The following EPB41L3 variants were observed in gnomAD, a reference collection of about 807,000 sequenced individuals.
The protein encoded by EPB41L3 is band 4.1-like protein 3.
A neutral mutation model predicts 127.1 loss-of-function variants in EPB41L3; 57 were observed. That is an observed-to-expected ratio of 0.45 (90% confidence interval 0.36 to 0.56). The LOEUF (loss-of-function observed/expected upper bound fraction) is 0.56, where lower values mean the gene tolerates loss of function less well. Ranked by LOEUF, EPB41L3 falls within the 20% of genes least tolerant of loss-of-function variation. The pLI, the probability that EPB41L3 is intolerant of heterozygous loss-of-function variation, is 0.00. For missense variants in EPB41L3, 1,273 were observed against 1,372.2 expected (o/e 0.93, Z 1.14); for synonymous variants, 572 against 549.5 (o/e 1.04, Z -0.57).
intron 10 of EPB41L3, 86 bp from the exon 11 acceptor site, chr18:5,423,639 G>T: frequency 8.1e-7 from 1 of 1,232,574 alleles, no homozygotes; most frequent in Non-Finnish European, 1.1e-6. Flanking sequence ...GAGAGGTCAT[G>T]TGTTTTGCAT....
chr18:5,545,188 C>T (rs1398953919), upstream of EPB41L3, among the ~76,000 whole-genome samples: 1 of 152,062 alleles, frequency 6.6e-6, no homozygotes, highest in Admixed American at 6.5e-5. Context: ...ACATCAGATC[C>T]CTTTCATGTT....
At chr18:5,539,749 TCA>T (rs2093670534) in intron 1 of EPB41L3, 1 of 152,232 alleles carries the variant, frequency 6.6e-6, no homozygotes, top group Non-Finnish European at 1.5e-5. Flanking sequence ...CTTCCGAATT[TCA>T]GTCTTATCAT....
At chr18:5,535,407 T>A (rs923357800) in intron 1 of EPB41L3, among the ~76,000 whole-genome samples, 1 of 152,178 alleles carries the variant, frequency 6.6e-6, no homozygotes, top group Non-Finnish European at 1.5e-5. Flanking sequence ...ACCTAGTCAA[T>A]CTCTATTTTC....
intron 16 of EPB41L3, among the ~76,000 whole-genome samples, chr18:5,402,765 T>C (rs1479853170): frequency 6.6e-6 from 1 of 152,220 alleles, no homozygotes; most frequent in African/African-American, 2.4e-5. Context: ...ACATTATAAG[T>C]TATTAATCTT....
chr18:5,630,243 G>A, upstream of EPB41L3: 1 of 396,122 alleles, frequency 2.5e-6, no homozygotes. Flanking sequence ...GGTCGGGCCA[G>A]CCTCGCCCCT....
At chr18:5,402,204 C>A (rs555401980) in intron 16 of EPB41L3, among the ~76,000 whole-genome samples, 1 of 150,108 alleles carries the variant, frequency 6.7e-6, no homozygotes, top group South Asian at 2.1e-4. Flanking sequence ...AATCTCTATC[C>A]CACTGCATTT....
At chr18:5,561,188 A>G (rs907658898) in intron 3 of EPB41L3, among the ~76,000 whole-genome samples, 9 of 151,912 alleles carry the variant, frequency 5.9e-5, no homozygotes, top group African/African-American at 1.2e-4. Flanking sequence ...CGTATTAGCC[A>G]GGATGGTCAA....
intron 1 of EPB41L3, among the ~76,000 whole-genome samples, chr18:5,622,962 T>TTTTA (rs2094880936): frequency 6.7e-6 from 1 of 148,316 alleles, no homozygotes; most frequent in South Asian, 2.2e-4. Flanking sequence ...TTTTTTTTTT[T>TTTTA]TTTTTTTTTT....
chr18:5,397,323 TCCA>T lies in EPB41L3; in HGVS notation c.2573_2575del (p.Val858del). 2 of 1,613,986 alleles carry T rather than the reference TCCA, an allele frequency of 1.2e-6. No homozygotes were observed. On this transcript the variant is annotated inframe_deletion, in exon 18 of 23. Transcript: ENST00000341928. This position sits in a 1 kb window ranked among gnomAD's most constrained non-coding sequence, Gnocchi z 4.1. Reference sequence around the variant, plus strand: ...ACTCGCGTGCACCACACGCCGCTCCTCCACCAACACGGTCTCCTGCACCACCTT... The same window carrying T: ...ACTCGCGTGCACCACACGCCGCTCCTCCAACACGGTCTCCTGCACCACCTT...
chr18:5,609,204 C>G (rs2094697631), intron 3 of EPB41L3, among the ~76,000 whole-genome samples: 1 of 152,096 alleles, frequency 6.6e-6, no homozygotes, highest in Admixed American at 6.6e-5. Flanking sequence ...AATAATTTTC[C>G]TATGGAGGTA....
chr18:5,610,376 G>T, intron 3 of EPB41L3: 2 of 850,246 alleles, frequency 2.4e-6, no homozygotes, highest in Non-Finnish European at 2.8e-6. Flanking sequence ...TAAGGAGAAA[G>T]TTTCTGTAGA....
chr18:5,542,917 C>A (rs1034653640), intron 1 of EPB41L3, among the ~76,000 whole-genome samples: 4 of 152,158 alleles, frequency 2.6e-5, no homozygotes, highest in Non-Finnish European at 5.9e-5. Context: ...CAAGCCCCTG[C>A]GGCAGCAGCC....
intron 16 of EPB41L3, among the ~76,000 whole-genome samples, chr18:5,402,243 GTACCA>G (rs2074615341): frequency 6.7e-6 from 1 of 149,466 alleles, no homozygotes; most frequent in Non-Finnish European, 1.5e-5. Context: ...AAGATAAAAT[GTACCA>G]TGTGGAATCA....
intron 1 of EPB41L3, among the ~76,000 whole-genome samples, chr18:5,620,065 C>T (rs187165249): frequency 6.6e-6 from 1 of 151,766 alleles, no homozygotes; most frequent in East Asian, 1.9e-4. Flanking sequence ...TTTTTCATGT[C>T]GAAATTGTGT....
chr18:5,501,167 G>T (rs2091712155), intron 1 of EPB41L3, among the ~76,000 whole-genome samples: 1 of 152,052 alleles, frequency 6.6e-6, no homozygotes, highest in East Asian at 1.9e-4. Flanking sequence ...CTACAGAAAA[G>T]AAATAAAATA....
intron 3 of EPB41L3, among the ~76,000 whole-genome samples, chr18:5,584,760 T>C (rs1218797081): frequency 6.6e-6 from 1 of 152,210 alleles, no homozygotes; most frequent in African/African-American, 2.4e-5. Context: ...ACAAATAACA[T>C]GAAAATAACT....
chr18:5,571,343 A>G (rs2094278297), intron 3 of EPB41L3, among the ~76,000 whole-genome samples: 1 of 152,238 alleles, frequency 6.6e-6, no homozygotes, highest in Non-Finnish European at 1.5e-5. Flanking sequence ...CTATTTTGAA[A>G]TGGAAAGGAA....
intron 8 of EPB41L3, among the ~76,000 whole-genome samples, chr18:5,429,085 G>T (rs1363946687): frequency 6.6e-6 from 1 of 152,130 alleles, no homozygotes; most frequent in South Asian, 2.1e-4. Context: ...AAGTATGAAT[G>T]AATAAAAAAA....
intron 3 of EPB41L3, among the ~76,000 whole-genome samples, chr18:5,551,839 T>G (rs2093970153): frequency 6.6e-6 from 1 of 152,212 alleles, no homozygotes; most frequent in Non-Finnish European, 1.5e-5. Context: ...ATTGAAAGTT[T>G]ATATTTAAAA....
Sources: allele counts gnomAD v4.1 joint callset (sites outside exome capture counted in the v4.1 genomes callset), GRCh38; gene constraint gnomAD v4.1.1; non-coding constraint Gnocchi (gnomAD v3.1); transcripts MANE v1.5; gene names NCBI Gene and HGNC (gene_info 2026-07-23, HGNC 2026-07-21).